KL: variants seen among roughly 807,000 people sequenced by gnomAD.
KL encodes klotho, also known as alpha-klotho.
A neutral mutation model predicts 84.2 loss-of-function variants in KL; 62 were observed. The observed-to-expected ratio is 0.74, with a 90% CI of 0.60 to 0.91. The LOEUF is 0.91. Among genes scored for constraint, KL ranks in the 40% least tolerant of loss-of-function variants. KL has a pLI of 0.00. For synonymous variants in KL, 528 were observed against 528.0 expected, an observed-to-expected ratio of 1.00 and a Z score of 0.00; for missense variants, 1,261 against 1,305.7, an observed-to-expected ratio of 0.97 and a Z score of 0.53.
At chr13:33,031,292 G>A (rs1245703944) in intron 1 of KL, among the ~76,000 whole-genome samples, 1 of 152,204 alleles carries the variant, frequency 6.6e-6, no homozygotes, top group East Asian at 1.9e-4. Flanking sequence ...CTCCCAGGAC[G>A]AGAGCAGCTC....
At chr13:33,048,950 A>ACTAG (rs1871642598) in intron 1 of KL, among the ~76,000 whole-genome samples, 1 of 152,124 alleles carries the variant, frequency 6.6e-6, no homozygotes, top group African/African-American at 2.4e-5. Flanking sequence ...ATTTGGGGCT[A>ACTAG]CTAGCTAGTT....
At chr13:33,025,493 T>C (rs1270806120) in intron 1 of KL, among the ~76,000 whole-genome samples, 2 of 152,208 alleles carry the variant, frequency 1.3e-5, no homozygotes, top group Non-Finnish European at 2.9e-5. Flanking sequence ...ATTGTGCCTT[T>C]CTAGGAAACA....
At chr13:33,049,957 A>G (rs1367250955) in intron 1 of KL, among the ~76,000 whole-genome samples, 1 of 152,220 alleles carries the variant, frequency 6.6e-6, no homozygotes, top group Non-Finnish European at 1.5e-5. Flanking sequence ...ATCCCTCCAG[A>G]TCAAAGTGCT....
At chr13:33,063,164 A>G (rs891766156) in intron 4 of KL, among the ~76,000 whole-genome samples, 2 of 151,954 alleles carry the variant, frequency 1.3e-5, no homozygotes, top group African/African-American at 4.8e-5. Context: ...GACCATTGCC[A>G]TGGTAACCTA....
chr13:33,056,376 C>T (rs1179309598), intron 3 of KL, among the ~76,000 whole-genome samples: 1 of 152,148 alleles, frequency 6.6e-6, no homozygotes, highest in African/African-American at 2.4e-5. Context: ...TGTAAATATC[C>T]AATTGAAATC....
chr13:33,023,902 T>G (rs1388497090), intron 1 of KL, among the ~76,000 whole-genome samples: 2 of 152,230 alleles, frequency 1.3e-5, no homozygotes, highest in Non-Finnish European at 2.9e-5. Flanking sequence ...AATCCCAGGT[T>G]ACACTTCTCT....
rs1010258102 is a variant in KL at position 33,020,045 on chromosome 13, T to A, written c.819+2786T>A. ...GGGTTCTAAGAGGATTAGAATCAAG[T>A]TGGAAATACACGTGTTCCCATTTCC... On this transcript the variant is annotated intron_variant, in intron 1 of 4. Coordinates refer to ENST00000380099, the MANE Select transcript of KL (RefSeq NM_004795.4). Among the ~76,000 whole-genome samples, 4 of 152,136 alleles carry A rather than the reference T, an allele frequency of 2.6e-5. No homozygotes were observed. In the East Asian group the frequency reaches 5.8e-4, roughly 22 times the overall value.
intron 1 of KL, among the ~76,000 whole-genome samples, chr13:33,030,933 C>T (rs1436907410): frequency 2.0e-5 from 3 of 152,004 alleles, no homozygotes; most frequent in Admixed American, 6.5e-5. Context: ...AGAAATAGAA[C>T]ACATTTTTGA....
chr13:33,053,968 A>G lies in KL; in HGVS notation c.1021A>G (p.Met341Val). Residue 341 changes from methionine (M) to valine (V), a missense_variant, in exon 2 of 5, where the codon ATG (methionine) becomes GTG (valine). Physicochemically the swap from Met to Val is conservative, Grantham distance 21. Transcript: ENST00000380099. Reference protein sequence around the residue: ...VFIDGDYPESMKNNLSSILPD... With the variant: ...VFIDGDYPESVKNNLSSILPD... ...TATTGATGGTGACTATCCCGAGAGC[A>G]TGAAGAATAACCTTTCATCTATTCT... The G allele has an allele frequency of 1.2e-6, 2 of 1,614,174 alleles. No homozygotes were observed. Among genetic ancestry groups the G allele is most frequent in the Non-Finnish European group, 1.7e-6 (2 of 1,180,002 alleles).
chr13:33,054,399 G>A, intron 2 of KL, 122 bp downstream of exon 2: 1 of 1,078,114 alleles, frequency 9.3e-7, no homozygotes. Context: ...ATTCATTTTG[G>A]CAATAGTAGA....
intron 1 of KL, among the ~76,000 whole-genome samples, chr13:33,042,382 C>A (rs1871368978): frequency 6.6e-6 from 1 of 152,114 alleles, no homozygotes; most frequent in Non-Finnish European, 1.5e-5. Context: ...TTTGTGACTT[C>A]TAATCAATTC....
At position 33,065,579 on chromosome 13, in the gene KL, A is replaced by G. The variant is rs1487732029; in HGVS notation, c.*1393A>G. ...AATATACTGTACTATATAATATATCATCTTTAGAGGTATGATTTTTTCATG... is the reference window on the plus strand; with the variant it reads ...AATATACTGTACTATATAATATATCGTCTTTAGAGGTATGATTTTTTCATG... On this transcript the variant is annotated 3_prime_UTR_variant, in exon 5 of 5. Coordinates refer to ENST00000380099, the MANE Select transcript of KL (RefSeq NM_004795.4). The G allele has an allele frequency of 5.5e-6, 1 of 182,582 alleles. No individual in the cohort carries two copies. The highest frequency in any genetic ancestry group is 2.4e-5 in the African/African-American group (1 of 42,490). 11.3% of individuals were successfully genotyped at this position (182,582 alleles called of 1,614,324 possible). A position where few individuals can be genotyped will look rare whatever the true frequency, so the allele number is the denominator to read the frequency against.
Position 33,053,904 on chromosome 13 carries a change from T to G in KL, c.957T>G (p.Ser319=). The G allele has an allele frequency of 6.2e-7, 1 of 1,614,144 alleles. No homozygotes were observed. The highest frequency in any genetic ancestry group is 8.5e-7 in the Non-Finnish European group (1 of 1,180,022). Residue 319 remains serine (S), a synonymous_variant, in exon 2 of 5, where the codon TCT becomes TCG. Coordinates refer to ENST00000380099, the MANE Select transcript of KL (RefSeq NM_004795.4). ...TDHSIKECQK[S]LDFVLGWFAK... ...ACAGCATCAAAGAATGTCAAAAATC[T>G]CTGGACTTTGTACTAGGTTGGTTTG...
intron 1 of KL, among the ~76,000 whole-genome samples, chr13:33,050,362 T>A: frequency 6.6e-6 from 1 of 152,196 alleles, no homozygotes; most frequent in East Asian, 1.9e-4. Context: ...ACATCCTAAA[T>A]AGCGACCTTC....
chr13:33,037,905 G>A (rs1473028700), intron 1 of KL, among the ~76,000 whole-genome samples: 1 of 151,944 alleles, frequency 6.6e-6, no homozygotes, highest in African/African-American at 2.4e-5. Context: ...ATTTCTTCAT[G>A]AGCATGTGAG....
intron 1 of KL, among the ~76,000 whole-genome samples, chr13:33,044,640 C>CTTTTTT (rs71071071): frequency 0.02 from 1,028 of 52,688 alleles, 311 homozygotes; most frequent in Middle Eastern, 0.045. Flanking sequence ...AATTGATTTT[C>CTTTTTT]TTTTTTTTTT....
chr13:33,051,343 C>A lies in KL; in HGVS notation c.820-2424C>A, dbSNP rs1871742992. 2.0e-5 allele frequency among the ~76,000 whole-genome samples: 3 copies of A among 152,106 alleles called. No individual in the cohort carries two copies. The South Asian group carries it at 6.2e-4, about 32-fold the overall frequency. Reference sequence around the variant, plus strand: ...TCGCTTGAGCCCAGGAGTTTAAGACCAGCCAGGGCAACACAGCAAGATTTA... The same window carrying A: ...TCGCTTGAGCCCAGGAGTTTAAGACAAGCCAGGGCAACACAGCAAGATTTA... On this transcript the variant is annotated intron_variant, in intron 1 of 4. Coordinates refer to ENST00000380099, the MANE Select transcript of KL (RefSeq NM_004795.4).
intron 1 of KL, among the ~76,000 whole-genome samples, chr13:33,045,384 A>G (rs189099066): frequency 1.3e-5 from 2 of 152,348 alleles, no homozygotes; most frequent in Admixed American, 6.5e-5. Context: ...TTAGAGAGCA[A>G]TAGTGAAAGC....
Position 33,064,286 on chromosome 13 carries a change from T to C in KL, c.*100T>C. 1.1e-6 allele frequency: 1 copy of C among 920,230 alleles called. No homozygotes were observed. The allele number at this position is 920,230 out of a possible 1,614,324, so 57.0% of individuals were successfully genotyped here. A position where few individuals can be genotyped will look rare whatever the true frequency, so the allele number is the denominator to read the frequency against. Reference sequence around the variant, plus strand: ...AAGTGTTGTGAAACTGTAAATTTCATACATTTGACTTCTAGAAAACATTTT... The same window carrying C: ...AAGTGTTGTGAAACTGTAAATTTCACACATTTGACTTCTAGAAAACATTTT... On this transcript the variant is annotated 3_prime_UTR_variant, in exon 5 of 5. Coordinates refer to ENST00000380099, the MANE Select transcript of KL (RefSeq NM_004795.4).
Sources: allele counts gnomAD v4.1 joint callset (sites outside exome capture counted in the v4.1 genomes callset), GRCh38; gene constraint gnomAD v4.1.1; transcripts MANE v1.5; gene names NCBI Gene and HGNC (gene_info 2026-07-23, HGNC 2026-07-21).